The following AUTS2 variants were observed in gnomAD, a reference collection of about 807,000 sequenced individuals.
AUTS2 encodes activator of transcription and developmental regulator AUTS2.
AUTS2 carries 17 observed loss-of-function variants against 112.4 expected under a neutral mutation model. The observed-to-expected ratio is 0.15, with a 90% CI of 0.10 to 0.23. The LOEUF is 0.23. Ranked by LOEUF, AUTS2 falls within the 10% of genes least tolerant of loss-of-function variation. The probability of loss-of-function intolerance (pLI) is 1.00; values close to 1 mark genes in which losing one functional copy is unlikely to be tolerated. For synonymous variants in AUTS2, 751 were observed against 702.7 expected (o/e 1.07, Z -1.09); for missense variants, 1,510 against 1,701.6 (o/e 0.89, Z 1.98).
intron 4 of AUTS2, among the ~76,000 whole-genome samples, chr7:70,246,716 T>C (rs892235447): frequency 6.6e-6 from 1 of 152,056 alleles, no homozygotes; most frequent in African/African-American, 2.4e-5. Flanking sequence ...AATCAACTCA[T>C]CAAGTTTCAT....
chr7:70,781,378 A>AC (rs892426885), intron 14 of AUTS2: 5 of 356,260 alleles, frequency 1.4e-5, no homozygotes, highest in African/African-American at 6.4e-5. Flanking sequence ...AAAAAAAAAA[A>AC]AAAAAACCAG....
At chr7:70,049,530 A>G (rs1292454039) in intron 2 of AUTS2, among the ~76,000 whole-genome samples, 5 of 151,896 alleles carry the variant, frequency 3.3e-5, no homozygotes, top group East Asian at 1.9e-4. Context: ...GAGTTTCACT[A>G]TGTTGGTCAG....
At chr7:70,307,015 T>C (rs1299238883) in intron 4 of AUTS2, among the ~76,000 whole-genome samples, 1 of 152,208 alleles carries the variant, frequency 6.6e-6, no homozygotes, top group African/African-American at 2.4e-5. Context: ...TAACTGTTTT[T>C]GTAATGTGTA....
intron 5 of AUTS2, among the ~76,000 whole-genome samples, chr7:70,478,508 A>G (rs1797666650): frequency 6.6e-6 from 1 of 152,104 alleles, no homozygotes; most frequent in African/African-American, 2.4e-5. Flanking sequence ...TCTTCAAAAA[A>G]CTACCACCCA....
chr7:70,666,695 C>T (rs1027631224), intron 5 of AUTS2, among the ~76,000 whole-genome samples: 1 of 151,978 alleles, frequency 6.6e-6, no homozygotes, highest in East Asian at 1.9e-4. Context: ...TTCTGTGCAC[C>T]CCCAAGGACA....
chr7:70,361,377 G>A (rs1384121989), intron 4 of AUTS2, among the ~76,000 whole-genome samples: 2 of 151,944 alleles, frequency 1.3e-5, no homozygotes, highest in South Asian at 2.1e-4. Context: ...AGATAATGAC[G>A]ATAGAGCAAA....
intron 2 of AUTS2, among the ~76,000 whole-genome samples, chr7:69,959,591 C>G (rs1644837944): frequency 6.6e-6 from 1 of 152,102 alleles, no homozygotes; most frequent in African/African-American, 2.4e-5. Flanking sequence ...TTCACTTTCT[C>G]GGATCATGAC....
intron 2 of AUTS2, among the ~76,000 whole-genome samples, chr7:70,045,811 A>G (rs1440461881): frequency 5.2e-5 from 7 of 135,270 alleles, no homozygotes; most frequent in Admixed American, 1.5e-4. Context: ...TTTTTTAAGT[A>G]GAGATAGGGT....
At chr7:69,806,140 C>A (rs562096761) in intron 1 of AUTS2, among the ~76,000 whole-genome samples, 5 of 148,674 alleles carry the variant, frequency 3.4e-5, no homozygotes, top group African/African-American at 1.2e-4. Flanking sequence ...AAGCGGTCTT[C>A]CTACCTCCAC....
chr7:70,108,951 T>C (rs945156484), intron 2 of AUTS2, among the ~76,000 whole-genome samples: 1 of 152,136 alleles, frequency 6.6e-6, no homozygotes, highest in Non-Finnish European at 1.5e-5. Context: ...CCCCTTCAGT[T>C]TGGCTCCCAA....
At chr7:70,272,296 TC>T (rs1787731616) in intron 4 of AUTS2, among the ~76,000 whole-genome samples, 1 of 151,240 alleles carries the variant, frequency 6.6e-6, no homozygotes, top group African/African-American at 2.4e-5. Context: ...AAACCAGGAG[TC>T]ATCCTTTCAT....
chr7:70,482,073 C>T (rs1438435045), intron 5 of AUTS2, among the ~76,000 whole-genome samples: 2 of 152,116 alleles, frequency 1.3e-5, no homozygotes, highest in Non-Finnish European at 2.9e-5. Context: ...AAAGACCTAA[C>T]CTTTCCATGG....
chr7:70,133,795 G>A (rs969869748), intron 3 of AUTS2, among the ~76,000 whole-genome samples: 1 of 151,980 alleles, frequency 6.6e-6, no homozygotes, highest in Non-Finnish European at 1.5e-5. Context: ...TTTTTGGGGG[G>A]GCTTCTTTTC....
intron 1 of AUTS2, among the ~76,000 whole-genome samples, chr7:69,676,806 GT>G (rs1043854366): frequency 8.1e-6 from 1 of 123,604 alleles, no homozygotes; most frequent in Admixed American, 8.5e-5. Context: ...TGAAACTCTG[GT>G]TTTTTTCTTT....
At position 70,466,171 on chromosome 7, in the gene AUTS2, AAG is replaced by A. The variant is rs1585178758; in HGVS notation, c.690+30393_690+30394del. On this transcript the variant is annotated intron_variant, in intron 5 of 18. Coordinates refer to ENST00000342771, the MANE Select transcript of AUTS2 (RefSeq NM_015570.4). ...AGCCCAAAGGGACACCCACCCAAAC[AAG>A]AGTCCTTCATGTTGAAGAAGAAGAA... is the stretch of plus-strand genomic sequence containing the variant. Among the ~76,000 whole-genome samples, 9 of 152,324 alleles carry A rather than the reference AAG, an allele frequency of 5.9e-5. No individual in the cohort carries two copies. The East Asian group carries it at 1.5e-3, about 26-fold the overall frequency.
chr7:70,432,167 A>C (rs771270389), intron 4 of AUTS2, among the ~76,000 whole-genome samples: 2 of 152,226 alleles, frequency 1.3e-5, no homozygotes, highest in Non-Finnish European at 2.9e-5. Flanking sequence ...CTGTTTGCTA[A>C]TAAACCAAAG....
At chr7:70,630,585 T>A (rs1272526308) in intron 5 of AUTS2, among the ~76,000 whole-genome samples, 1 of 152,094 alleles carries the variant, frequency 6.6e-6, no homozygotes, top group Non-Finnish European at 1.5e-5. Flanking sequence ...GCCTGCTGTT[T>A]GCTGACCAGA....
At chr7:70,207,073 A>C (rs1278077993) in intron 4 of AUTS2, among the ~76,000 whole-genome samples, 1 of 152,228 alleles carries the variant, frequency 6.6e-6, no homozygotes, top group African/African-American at 2.4e-5. Context: ...GTCATTAGTG[A>C]AGGCTTTGTT....
chr7:70,417,990 C>T (rs1293486084), intron 4 of AUTS2, among the ~76,000 whole-genome samples: 2 of 152,082 alleles, frequency 1.3e-5, no homozygotes, highest in African/African-American at 4.8e-5. Context: ...TCATTTGGAC[C>T]TCCCTGGGAT....
Sources: gnomAD v4.1 joint callset for allele counts (sites outside exome capture counted in the v4.1 genomes callset) on GRCh38, gnomAD v4.1.1 for gene constraint, MANE v1.5 for transcripts, NCBI Gene and HGNC (gene_info 2026-07-23, HGNC 2026-07-21) for gene names.